Variants in USP34 observed in about 807,000 individuals in gnomAD.
The protein encoded by USP34 is ubiquitin carboxyl-terminal hydrolase 34.
USP34 carries 70 observed loss-of-function variants against 460.3 expected under a neutral mutation model. The observed-to-expected ratio is 0.15, with a 90% CI of 0.13 to 0.19. The LOEUF (loss-of-function observed/expected upper bound fraction) is 0.19, where lower values mean the gene tolerates loss of function less well. USP34 is among the 10% of genes least tolerant of loss of function. USP34 has a pLI of 1.00. For missense variants in USP34, 3,985 were observed against 4,236.2 expected (o/e 0.94, Z 1.65); for synonymous variants, 1,647 against 1,405.3 (o/e 1.17, Z -3.85).
chr2:61,455,630 C>T (rs545386511), intron 1 of USP34, among the ~76,000 whole-genome samples: 8 of 152,180 alleles, frequency 5.3e-5, no homozygotes, highest in Non-Finnish European at 8.8e-5. Flanking sequence ...GCATATATAC[C>T]ACGTAGACCA....
At chr2:61,338,072 A>G (rs1691480601) in intron 18 of USP34, among the ~76,000 whole-genome samples, 1 of 152,238 alleles carries the variant, frequency 6.6e-6, no homozygotes, top group East Asian at 1.9e-4. Context: ...CTGTAATCCC[A>G]GCACTTTGAG....
At chr2:61,437,295 GAA>G (rs970942482) in intron 1 of USP34, among the ~76,000 whole-genome samples, 1 of 151,776 alleles carries the variant, frequency 6.6e-6, no homozygotes, top group Non-Finnish European at 1.5e-5. Flanking sequence ...CTAGACTAAG[GAA>G]AAAAGAGACA....
chr2:61,408,824 C>T (rs79629188), intron 2 of USP34, among the ~76,000 whole-genome samples: 19,577 of 151,514 alleles, frequency 0.13, 1,517 homozygotes, highest in South Asian at 0.32. Flanking sequence ...ACTTGGGAGG[C>T]GGAGGTTGCA....
intron 10 of USP34, among the ~76,000 whole-genome samples, chr2:61,368,508 G>C (rs904589691): frequency 6.6e-6 from 1 of 151,538 alleles, no homozygotes; most frequent in African/African-American, 2.4e-5. Context: ...CAGACTATAA[G>C]TTTACCAATC....
At chr2:61,400,416 A>G (rs1693680980) in intron 3 of USP34, among the ~76,000 whole-genome samples, 1 of 152,110 alleles carries the variant, frequency 6.6e-6, no homozygotes, top group Non-Finnish European at 1.5e-5. Flanking sequence ...GCCAGAGGAA[A>G]GGCAATTCTA....
At chr2:61,304,177 T>C (rs1413886565) in intron 27 of USP34, among the ~76,000 whole-genome samples, 2 of 152,038 alleles carry the variant, frequency 1.3e-5, no homozygotes, top group Non-Finnish European at 2.9e-5. Context: ...ATTACAGGCA[T>C]GAGCTACCAC....
chr2:61,193,365 T>TAAAAAAAAAAAAAAAAAAAAAAA (rs577314106), intron 75 of USP34: 2 of 97,240 alleles, frequency 2.1e-5, no homozygotes, highest in African/African-American at 7.5e-5. Context: ...AGGGGAAAGG[T>TAAAAAAAAAAAAAAAAAAAAAAA]AAAAAAAAAA....
chr2:61,356,504 C>G (rs954753635), intron 10 of USP34, among the ~76,000 whole-genome samples: 1 of 149,812 alleles, frequency 6.7e-6, no homozygotes, highest in Non-Finnish European at 1.5e-5. Flanking sequence ...CACACATACA[C>G]ACACACACTG....
intron 75 of USP34, among the ~76,000 whole-genome samples, chr2:61,195,329 G>A (rs1686766245): frequency 6.7e-6 from 1 of 148,406 alleles, no homozygotes. Flanking sequence ...ACAGGCATGA[G>A]CCATCATATC....
At chr2:61,417,385 C>G in intron 2 of USP34, 1 of 513,070 alleles carries the variant, frequency 1.9e-6, no homozygotes, top group Middle Eastern at 3.0e-4. Context: ...GCAGGACCTC[C>G]GTAATCTTAC....
At chr2:61,389,289 T>A (rs529856276) in intron 5 of USP34, among the ~76,000 whole-genome samples, 2 of 152,340 alleles carry the variant, frequency 1.3e-5, no homozygotes, top group East Asian at 3.9e-4. Flanking sequence ...ATATTTGCTT[T>A]GATAAATCAC....
intron 53 of USP34, among the ~76,000 whole-genome samples, chr2:61,236,596 C>A (rs1244768494): frequency 6.6e-6 from 1 of 152,090 alleles, no homozygotes; most frequent in African/African-American, 2.4e-5. Context: ...TATCTGGCTA[C>A]CTCAAGCAAT....
In USP34 at chr2:61,330,707, A is replaced by C. The variant is rs900026935; in HGVS notation, c.2930+569T>G. Among the ~76,000 whole-genome samples, 68 of 152,156 alleles carry C rather than the reference A, an allele frequency of 4.5e-4. 1 individual carries two copies. Among genetic ancestry groups the C allele is most frequent in the Admixed American group, 4.5e-3 (68 of 15,270 alleles). ...GAATCTCCTATGCATCTCCTTAAAG[A>C]AGCTTCAAATACAGCTATACCACCA... On this transcript the variant is annotated intron_variant, in intron 20 of 79. Transcript: ENST00000398571.
At position 61,275,345 on chromosome 2, in the gene USP34, G is replaced by A. The variant is rs936973224; in HGVS notation, c.5433+2820C>T. On this transcript the variant is annotated intron_variant, in intron 41 of 79. Transcript: ENST00000398571. ...TGAATAGCCAAGCATGGCGGTGTGC[G>A]TTGGCTCACATCGGTAATCCCAACA... is the stretch of plus-strand genomic sequence containing the variant. Among the ~76,000 whole-genome samples, 9 of 152,246 alleles carry A rather than the reference G, an allele frequency of 5.9e-5. No individual in the cohort carries two copies. The South Asian group carries it at 1.2e-3, about 21-fold the overall frequency.
rs1482766066 is a variant in USP34 at position 61,429,062 on chromosome 2, A to C, written c.44-8229T>G. ...ATAAATAAAAAGGATGCGCTTTGGG[A>C]AGAAAAGGAGGGAGGATTGCTTAAG... is the stretch of plus-strand genomic sequence containing the variant. On this transcript the variant is annotated intron_variant, in intron 1 of 79. Coordinates refer to ENST00000398571, the MANE Select transcript of USP34 (RefSeq NM_014709.4). Among the ~76,000 whole-genome samples, 3 of 152,340 alleles carry C rather than the reference A, an allele frequency of 2.0e-5. No homozygotes were observed. The East Asian group carries it at 5.8e-4, about 29-fold the overall frequency.
At chr2:61,238,724 TTA>T (rs1161851876) in intron 53 of USP34, among the ~76,000 whole-genome samples, 1 of 152,148 alleles carries the variant, frequency 6.6e-6, no homozygotes, top group Non-Finnish European at 1.5e-5. Context: ...GCTGGAACAA[TTA>T]TAGAAAAAAT....
chr2:61,386,572 C>A (rs1205284502), intron 5 of USP34, among the ~76,000 whole-genome samples: 2 of 152,086 alleles, frequency 1.3e-5, no homozygotes, highest in Non-Finnish European at 2.9e-5. Flanking sequence ...AGATGGATCA[C>A]AAGCTCAGGA....
At chr2:61,222,691 A>G (rs1572847549) in intron 64 of USP34, 28 bp from the exon 65 acceptor site, 1 of 1,604,646 alleles carries the variant, frequency 6.2e-7, no homozygotes, top group East Asian at 2.2e-5. Context: ...GGATTTCAGG[A>G]TATTCTTGTT....
intron 3 of USP34, among the ~76,000 whole-genome samples, chr2:61,401,149 C>A (rs77317115): frequency 3.6e-3 from 372 of 104,510 alleles, no homozygotes; most frequent in East Asian, 4.0e-3. Context: ...GACTCTGTCT[C>A]AAAAAAAAAA....
Sources: gnomAD v4.1 joint callset for allele counts (sites outside exome capture counted in the v4.1 genomes callset) on GRCh38, gnomAD v4.1.1 for gene constraint, MANE v1.5 for transcripts, NCBI Gene and HGNC (gene_info 2026-07-23, HGNC 2026-07-21) for gene names.